Variants in COL15A1 observed in about 807,000 individuals in gnomAD.
COL15A1 encodes collagen alpha-1(XV) chain.
COL15A1 carries 111 observed loss-of-function variants against 165.9 expected under a neutral mutation model. The ratio of observed to expected loss-of-function variants is 0.67; its 90% CI spans 0.57 to 0.78. COL15A1 has a LOEUF of 0.78. COL15A1 is among the 30% of genes least tolerant of loss of function. The pLI, the probability that COL15A1 is intolerant of heterozygous loss-of-function variation, is 0.00. For synonymous variants in COL15A1, 659 were observed against 674.8 expected (o/e 0.98, Z 0.36); for missense variants, 1,745 against 1,789.7 (o/e 0.98, Z 0.45).
Position 99,035,415 on chromosome 9 carries a change from A to G in COL15A1, c.2286A>G (p.Ala762=). The change falls in exon 19 of 42, where the codon GCA becomes GCG. Residue 762 remains alanine, a synonymous_variant. Transcript: ENST00000375001. ...CCAAACTCTCCAGACCAACGGCTGC[A>G]ATTGTAGGTCGCCTCTGAAACCTTC... ...NEPKLSRPTA[A]IGLKGEKGDR... 1.2e-6 allele frequency: 2 copies of G among 1,614,120 alleles called. No homozygotes were observed. The highest frequency in any genetic ancestry group is 2.2e-5 in the South Asian group (2 of 91,088).
chr9:98,965,560 T>C (rs1314905304), intron 2 of COL15A1, among the ~76,000 whole-genome samples: 1 of 152,286 alleles, frequency 6.6e-6, no homozygotes, highest in Non-Finnish European at 1.5e-5. Flanking sequence ...TCCTTTTTGC[T>C]CCAATGCTGG....
At chr9:98,995,404 G>T (rs191196778) in intron 5 of COL15A1, among the ~76,000 whole-genome samples, 12 of 152,280 alleles carry the variant, frequency 7.9e-5, no homozygotes, top group Admixed American at 7.8e-4. Context: ...CACCAGCGAG[G>T]ACTCTCTAAA....
chr9:99,028,723 A>G (rs1588522805), intron 16 of COL15A1, among the ~76,000 whole-genome samples: 1 of 152,146 alleles, frequency 6.6e-6, no homozygotes, highest in Non-Finnish European at 1.5e-5. Flanking sequence ...ATAAAAGAGT[A>G]CAGATTGGGT....
intron 31 of COL15A1, among the ~76,000 whole-genome samples, chr9:99,052,942 T>C (rs1839616324): frequency 1.3e-5 from 2 of 152,200 alleles, no homozygotes; most frequent in African/African-American, 4.8e-5. Flanking sequence ...TTGTTAGAAA[T>C]GCAGAACTTC....
At chr9:98,969,572 G>A (rs560903166) in intron 2 of COL15A1, among the ~76,000 whole-genome samples, 23 of 152,286 alleles carry the variant, frequency 1.5e-4, no homozygotes, top group East Asian at 3.9e-4. Context: ...ACCCCCTCTC[G>A]TTGTCAGCAG....
intron 3 of COL15A1, 45 bp downstream of exon 3, chr9:98,986,157 C>T: frequency 7.0e-7 from 1 of 1,432,896 alleles, no homozygotes; most frequent in Non-Finnish European, 9.7e-7. Context: ...GGTGGATGAA[C>T]AGACTCGCCA....
At chr9:98,996,543 A>C (rs1588507361) in intron 5 of COL15A1, among the ~76,000 whole-genome samples, 1 of 152,234 alleles carries the variant, frequency 6.6e-6, no homozygotes, top group East Asian at 1.9e-4. Flanking sequence ...CATTGAATTT[A>C]TATGCAGTTT....
At chr9:98,952,804 ATATCT>A (rs1837712736) in intron 2 of COL15A1, among the ~76,000 whole-genome samples, 1 of 152,198 alleles carries the variant, frequency 6.6e-6, no homozygotes, top group Non-Finnish European at 1.5e-5. Context: ...TTGTTGTGTG[ATATCT>A]TATCATATAA....
Position 99,036,168 on chromosome 9 carries a change from A to T in COL15A1, c.2290-2A>T, listed in dbSNP as rs2119053523. 2 of 1,608,584 alleles carry T rather than the reference A, an allele frequency of 1.2e-6. No individual in the cohort carries two copies. Among genetic ancestry groups the T allele is most frequent in the Non-Finnish European group, 1.7e-6 (2 of 1,175,262 alleles). ...AATATTTATTTTTGTTTATTTTTCC[A>T]GGGTCTCAAAGGAGAGAAAGGAGAC... On this transcript the variant is annotated splice_acceptor_variant, in intron 19 of 41. Coordinates refer to ENST00000375001, the MANE Select transcript of COL15A1 (RefSeq NM_001855.5). LOFTEE classifies it high-confidence loss of function.
chr9:99,068,797 G>T (rs1020502346), intron 41 of COL15A1, 127 bp downstream of exon 41: 1 of 586,458 alleles, frequency 1.7e-6, no homozygotes, highest in Non-Finnish European at 3.0e-6. Context: ...TGAGGCAACT[G>T]AGGGCCTCAG....
intron 2 of COL15A1, among the ~76,000 whole-genome samples, chr9:98,962,402 C>T (rs1837878799): frequency 6.6e-6 from 1 of 152,210 alleles, no homozygotes; most frequent in Admixed American, 6.5e-5. Flanking sequence ...GGCTGTGTGA[C>T]ACTAGCATGC....
In COL15A1 at chr9:98,986,077, G is replaced by T. The variant is rs753786778; in HGVS notation, c.613G>T (p.Gly205Cys). 1 of 1,613,812 alleles carries T rather than the reference G, an allele frequency of 6.2e-7. No individual in the cohort carries two copies. The highest frequency in any genetic ancestry group is 8.5e-7 in the Non-Finnish European group (1 of 1,180,014). Reference sequence around the variant, plus strand: ...TGAGTCCAGCGCTGGAATCTTCATGGGCAATGCAGGAGCTACAGGGCTCGA... The same window carrying T: ...TGAGTCCAGCGCTGGAATCTTCATGTGCAATGCAGGAGCTACAGGGCTCGA... ...AFESSAGIFM[G>C]NAGATGLERF... is the part of the protein sequence containing the mutation. Residue 205 changes from glycine (G) to cysteine (C), a missense_variant, in exon 3 of 42, where the codon GGC becomes TGC. Gly to Cys is a radical substitution (Grantham distance 159, BLOSUM62 -3). Transcript: ENST00000375001.
intron 35 of COL15A1, 79 bp from the exon 36 acceptor site, chr9:99,059,810 T>C: frequency 6.6e-7 from 1 of 1,516,980 alleles, no homozygotes; most frequent in Middle Eastern, 1.7e-4. Flanking sequence ...AACACACTTC[T>C]CTCCGGGAGT....
chr9:99,036,050 TG>T, intron 19 of COL15A1, 119 bp from the exon 20 acceptor site: 1 of 804,896 alleles, frequency 1.2e-6, no homozygotes, highest in Non-Finnish European at 2.1e-6. Context: ...CGCTTATTCT[TG>T]GTTCCCATTG....
intron 8 of COL15A1, among the ~76,000 whole-genome samples, chr9:99,004,299 G>A (rs1174500021): frequency 3.3e-5 from 5 of 152,132 alleles, no homozygotes; most frequent in Admixed American, 1.3e-4. Flanking sequence ...TTGGAGTTTG[G>A]GTGAGTGGTG....
chr9:99,041,993 A>T, intron 23 of COL15A1, 52 bp from the exon 24 acceptor site: 3 of 1,159,722 alleles, frequency 2.6e-6, no homozygotes, highest in Non-Finnish European at 3.8e-6. Flanking sequence ...TGATTGGTTT[A>T]TGCATTTTAA....
intron 35 of COL15A1, 57 bp from the exon 36 acceptor site, chr9:99,059,832 T>G: frequency 1.2e-6 from 2 of 1,600,206 alleles, no homozygotes; most frequent in Non-Finnish European, 1.7e-6. Context: ...AGCTGATACC[T>G]CAGACATTTT....
chr9:99,011,326 ATC>A (rs1588513841), intron 9 of COL15A1, among the ~76,000 whole-genome samples: 2 of 144,704 alleles, frequency 1.4e-5, no homozygotes, highest in East Asian at 2.0e-4. Flanking sequence ...TTTTTTTTTC[ATC>A]TGTCTTCTTC....
intron 24 of COL15A1, among the ~76,000 whole-genome samples, chr9:99,042,898 T>C (rs17784730): frequency 0.01 from 1,581 of 152,316 alleles, 9 homozygotes; most frequent in South Asian, 0.021. Flanking sequence ...TATTCACTCG[T>C]CCATGTATAT....
Sources: allele counts gnomAD v4.1 joint callset (sites outside exome capture counted in the v4.1 genomes callset), GRCh38; gene constraint gnomAD v4.1.1; transcripts MANE v1.5; gene names NCBI Gene and HGNC (gene_info 2026-07-23, HGNC 2026-07-21).